SNX30: variants seen among roughly 807,000 people sequenced by gnomAD.
The protein encoded by SNX30 is sorting nexin-30.
Under a neutral mutation model 46.4 loss-of-function variants are expected in SNX30, and 24 were observed. The ratio of observed to expected loss-of-function variants is 0.52; its 90% CI spans 0.37 to 0.73. SNX30 has a LOEUF of 0.73. SNX30 is among the 30% of genes least tolerant of loss of function. The pLI is 0.00. For missense variants in SNX30, 533 were observed against 555.7 expected, an observed-to-expected ratio of 0.96 and a Z score of 0.41; for synonymous variants, 189 against 211.5, an observed-to-expected ratio of 0.89 and a Z score of 0.92.
At chr9:112,868,431 T>A (rs937315424) in intron 8 of SNX30, among the ~76,000 whole-genome samples, 1 of 152,186 alleles carries the variant, frequency 6.6e-6, no homozygotes, top group African/African-American at 2.4e-5. Flanking sequence ...CTGCCGAGAT[T>A]CTAGGGACTC....
Position 112,794,730 on chromosome 9 carries a change from G to A in SNX30, c.157-10046G>A, listed in dbSNP as rs575748318. On this transcript the variant is annotated intron_variant, in intron 1 of 8. Transcript: ENST00000374232. The stretch of plus-strand genomic sequence containing the variant: ...TCTCTTCATAAATCATATGTTTAAT[G>A]TAATATAAAATTTTGCCAGTGATTT... Among the ~76,000 whole-genome samples, 10 of 152,258 alleles carry A rather than the reference G, an allele frequency of 6.6e-5. No individual in the cohort carries two copies. In the East Asian group the frequency reaches 9.6e-4, roughly 15 times the overall value.
intron 2 of SNX30, among the ~76,000 whole-genome samples, chr9:112,814,099 A>G (rs1285553606): frequency 6.6e-6 from 1 of 152,254 alleles, no homozygotes; most frequent in African/African-American, 2.4e-5. Context: ...CCCCAAAAGT[A>G]GCATAAAGGG....
At chr9:112,774,844 CTTT>C (rs1279442088) in intron 1 of SNX30, among the ~76,000 whole-genome samples, 4 of 128,788 alleles carry the variant, frequency 3.1e-5, no homozygotes, top group Non-Finnish European at 3.3e-5. Context: ...TATTTATATG[CTTT>C]TTTTTTTTTT....
At chr9:112,778,896 G>A (rs971079497) in intron 1 of SNX30, among the ~76,000 whole-genome samples, 1 of 152,082 alleles carries the variant, frequency 6.6e-6, no homozygotes, top group Non-Finnish European at 1.5e-5. Context: ...GAACTTGGGG[G>A]GGGGGGATTT....
At chr9:112,777,401 A>G (rs1363640991) in intron 1 of SNX30, among the ~76,000 whole-genome samples, 1 of 151,722 alleles carries the variant, frequency 6.6e-6, no homozygotes, top group Non-Finnish European at 1.5e-5. Context: ...TTCGTCTTCC[A>G]TATAATCTTT....
At chr9:112,791,399 CTTTTTTTTTTTTTTTTTTTT>C (rs386415930) in intron 1 of SNX30, among the ~76,000 whole-genome samples, 1 of 67,458 alleles carries the variant, frequency 1.5e-5, no homozygotes, top group Non-Finnish European at 2.5e-5. Flanking sequence ...TATTTAGGAA[CTTTTTTTTTTTTTTTTTTTT>C]TTTTTTTTTG....
chr9:112,791,700 C>T (rs528096712), intron 1 of SNX30, among the ~76,000 whole-genome samples: 2 of 152,194 alleles, frequency 1.3e-5, no homozygotes, highest in African/African-American at 2.4e-5. Context: ...TGAGCCACTG[C>T]ACCTGGCCGG....
intron 6 of SNX30, 133 bp downstream of exon 6, chr9:112,838,830 A>T (rs993951693): frequency 1.1e-5 from 8 of 745,516 alleles, no homozygotes; most frequent in African/African-American, 1.1e-4. Flanking sequence ...AGACACGTGG[A>T]CTGACATCAT....
At chr9:112,797,711 C>CTT (rs71384277) in intron 1 of SNX30, among the ~76,000 whole-genome samples, 12,375 of 121,250 alleles carry the variant, frequency 0.1, 933 homozygotes, top group African/African-American at 0.13. Context: ...TTTTCTTTTT[C>CTT]TTTTTTTTTT....
chr9:112,869,854 A>C lies in SNX30; in HGVS notation c.*1011A>C, dbSNP rs1038435026. The C allele has an allele frequency of 6.6e-6, 1 of 152,086 alleles. No homozygotes were observed. The highest frequency in any genetic ancestry group is 2.4e-5 in the African/African-American group (1 of 41,404). The allele number at this position is 152,086 out of a possible 1,614,324, so 9.4% of individuals were successfully genotyped here. ...CCTGTGTCCTCTGAATGTCTGGGCG[A>C]GCTTTTGGTGAGAGGGCTGGTATGT... On this transcript the variant is annotated 3_prime_UTR_variant, in exon 9 of 9. Transcript: ENST00000374232.
intron 1 of SNX30, among the ~76,000 whole-genome samples, chr9:112,768,284 C>A (rs715667): frequency 6.6e-6 from 1 of 152,004 alleles, no homozygotes; most frequent in African/African-American, 2.4e-5. Flanking sequence ...ATCCTCCTCT[C>A]GATGTTTCCA....
At chr9:112,785,655 A>G (rs1212891094) in intron 1 of SNX30, among the ~76,000 whole-genome samples, 4 of 152,068 alleles carry the variant, frequency 2.6e-5, no homozygotes, top group African/African-American at 9.7e-5. Flanking sequence ...AAGTGCTGGG[A>G]TTACAGGCAT....
intron 1 of SNX30, among the ~76,000 whole-genome samples, chr9:112,775,465 T>G (rs1839729161): frequency 1.3e-5 from 2 of 152,066 alleles, no homozygotes; most frequent in Admixed American, 6.5e-5. Context: ...TCTTTATATA[T>G]TCTTATCAGG....
rs1841413952 is a variant in SNX30 at position 112,869,606 on chromosome 9, A to G, written c.*763A>G. On this transcript the variant is annotated 3_prime_UTR_variant, in exon 9 of 9. Transcript: ENST00000374232. ...AAACTTTTTGTGTAAAATGAAAAAA[A>G]CAAAGTGCTGGTTTTTTTTTTTTTT... 6.9e-6 allele frequency: 1 copy of G among 145,748 alleles called. No homozygotes were observed. The highest frequency in any genetic ancestry group is 1.5e-5 in the Non-Finnish European group (1 of 65,734). 9.0% of individuals were successfully genotyped at this position (145,748 alleles called of 1,614,324 possible).
chr9:112,861,733 G>A (rs557833088), intron 7 of SNX30, among the ~76,000 whole-genome samples: 1 of 152,262 alleles, frequency 6.6e-6, no homozygotes, highest in South Asian at 2.1e-4. Context: ...CCTGCGGTGG[G>A]TCCTGGTGTC....
chr9:112,759,682 T>C (rs1839407312), intron 1 of SNX30, among the ~76,000 whole-genome samples: 1 of 150,966 alleles, frequency 6.6e-6, no homozygotes, highest in African/African-American at 2.4e-5. Flanking sequence ...TGAGCTGAGA[T>C]TGCGCCACTG....
At chr9:112,843,177 C>A (rs1203554890) in intron 6 of SNX30, among the ~76,000 whole-genome samples, 4 of 152,166 alleles carry the variant, frequency 2.6e-5, no homozygotes, top group Non-Finnish European at 5.9e-5. Context: ...GTCTTATTTC[C>A]CACACTGCCT....
chr9:112,849,812 G>C (rs757850471), intron 6 of SNX30, among the ~76,000 whole-genome samples: 16 of 152,190 alleles, frequency 1.1e-4, no homozygotes, highest in Non-Finnish European at 2.2e-4. Context: ...CTGCTGGAAG[G>C]TCCCCTGTGG....
At position 112,874,014 on chromosome 9, in the gene SNX30, T is replaced by A. The variant is rs1304042541; in HGVS notation, c.*5171T>A. On this transcript the variant is annotated 3_prime_UTR_variant, in exon 9 of 9. Transcript: ENST00000374232. The stretch of plus-strand genomic sequence containing the variant: ...TGGTTCTGGGCTCTCTGTAGGCTGG[T>A]CCTAGTAGGTGACACCCAGCAACAC... 6.6e-6 allele frequency: 1 copy of A among 152,180 alleles called. No individual in the cohort carries two copies. Among genetic ancestry groups the A allele is most frequent in the Non-Finnish European group, 1.5e-5 (1 of 68,068 alleles). The allele number at this position is 152,180 out of a possible 1,614,324, so 9.4% of individuals were successfully genotyped here.
Sources: allele counts gnomAD v4.1 joint callset (sites outside exome capture counted in the v4.1 genomes callset), GRCh38; gene constraint gnomAD v4.1.1; transcripts MANE v1.5; gene names NCBI Gene and HGNC (gene_info 2026-07-23, HGNC 2026-07-21).